The following TAOK3 variants were observed in gnomAD, a reference collection of about 807,000 sequenced individuals.
The protein encoded by TAOK3 is serine/threonine-protein kinase TAO3.
Under a neutral mutation model 120.4 loss-of-function variants are expected in TAOK3, and 40 were observed. That is an observed-to-expected ratio of 0.33 (90% CI 0.26 to 0.43). TAOK3 has a LOEUF of 0.43. TAOK3 is among the 20% of genes least tolerant of loss of function. The pLI is 1.00. For missense variants in TAOK3, 821 were observed against 1,112.1 expected, an observed-to-expected ratio of 0.74 and a Z score of 3.72; for synonymous variants, 355 against 387.5, an observed-to-expected ratio of 0.92 and a Z score of 0.99.
At chr12:118,213,370 C>T (rs1400194283) in intron 10 of TAOK3, among the ~76,000 whole-genome samples, 1 of 152,086 alleles carries the variant, frequency 6.6e-6, no homozygotes, top group African/African-American at 2.4e-5. Context: ...ATTCCTCTAC[C>T]ACCCACAATC....
intron 1 of TAOK3, among the ~76,000 whole-genome samples, chr12:118,305,945 C>T (rs559222006): frequency 2.1e-4 from 32 of 150,716 alleles, no homozygotes; most frequent in Admixed American, 1.4e-3. Flanking sequence ...AATTGCCATT[C>T]GATTTTCTCC....
intron 13 of TAOK3, among the ~76,000 whole-genome samples, chr12:118,191,695 A>C (rs1305708502): frequency 7.9e-5 from 12 of 152,184 alleles, no homozygotes. Context: ...AACGTGTGTA[A>C]TTGGGATTCA....
chr12:118,172,613 C>A lies in TAOK3; in HGVS notation c.1743G>T (p.Arg581=). ...GCAAGTTCTCTTTATGTTTGGAGAT[C>A]CGCTCTTGCTTCTCTTTCTTGGGTG... ...HSTPKKEKQE[R]ISKHKENLQH... is the part of the protein sequence containing the mutation. Residue 581 remains arginine (R), a synonymous_variant, in exon 17 of 21, where the codon CGG becomes CGT. Transcript: ENST00000392533. The A allele has an allele frequency of 6.2e-7, 1 of 1,614,192 alleles. No individual in the cohort carries two copies. Among genetic ancestry groups the A allele is most frequent in the Non-Finnish European group, 8.5e-7 (1 of 1,180,038 alleles).
chr12:118,343,112 T>C (rs2044695986), intron 1 of TAOK3, among the ~76,000 whole-genome samples: 1 of 151,940 alleles, frequency 6.6e-6, no homozygotes, highest in South Asian at 2.1e-4. Flanking sequence ...AGTAAATTTA[T>C]TAATCAAAAC....
chr12:118,271,989 TA>T (rs779247789), intron 1 of TAOK3, among the ~76,000 whole-genome samples: 85 of 152,320 alleles, frequency 5.6e-4, no homozygotes, highest in Non-Finnish European at 8.2e-4. Context: ...TTGGGCCAAA[TA>T]AACAATCCAA....
intron 7 of TAOK3, 197 bp from the exon 8 acceptor site, chr12:118,235,868 T>G: frequency 2.0e-6 from 1 of 505,696 alleles, no homozygotes; most frequent in Non-Finnish European, 3.6e-6. Flanking sequence ...TGGGTGTACT[T>G]GCAGGTAGGT....
In TAOK3 at chr12:118,235,822, A is replaced by C. The variant is rs189656018; in HGVS notation, c.438-151T>G. ...TGCTCAGATAGCCAGAAGGAGATTT[A>C]GTAATTACTGCATGTTGTAAGGGGG... On this transcript the variant is annotated intron_variant, in intron 7 of 20. Transcript: ENST00000392533. 79 of 578,888 alleles carry C rather than the reference A, an allele frequency of 1.4e-4. No homozygotes were observed. In the East Asian group the frequency reaches 2.2e-3, roughly 16 times the overall value. The allele number at this position is 578,888 out of a possible 1,614,324, so 35.9% of individuals were successfully genotyped here. A position where few individuals can be genotyped will look rare whatever the true frequency, so the allele number is the denominator to read the frequency against.
intron 1 of TAOK3, among the ~76,000 whole-genome samples, chr12:118,353,897 C>T (rs1187393362): frequency 6.6e-6 from 1 of 151,974 alleles, no homozygotes; most frequent in African/African-American, 2.4e-5. Context: ...TAAGGAGTTT[C>T]CTTGTTTGGT....
intron 1 of TAOK3, among the ~76,000 whole-genome samples, chr12:118,346,284 T>C (rs1004211078): frequency 6.6e-6 from 1 of 152,190 alleles, no homozygotes; most frequent in African/African-American, 2.4e-5. Context: ...CATTTACTAA[T>C]AAGTCTTCTA....
intron 12 of TAOK3, chr12:118,199,861 T>TAAATAATACTGGTATTCATCATTA (rs1359598721): frequency 1.3e-5 from 2 of 153,322 alleles, no homozygotes; most frequent in Non-Finnish European, 1.5e-5. Flanking sequence ...ATATATCTGT[T>TAAATAATACTGGTATTCATCATTA]AAATAATACT....
rs2040091928 is a variant in TAOK3, at chr12:118,238,124, T to C, written c.386A>G (p.His129Arg). ...LQEVEIAAITHGALHGLAYLH... is the reference protein window; with the variant it reads ...LQEVEIAAITRGALHGLAYLH... ...GTAGGCTAGTCCATGCAAGGCTCCA[T>C]GAGTAATGGCAGCGATCTCCACTTC... is the stretch of plus-strand genomic sequence containing the variant. Residue 129 changes from histidine to arginine, a missense_variant, in exon 7 of 21, where the codon CAT becomes CGT. By Grantham distance (29) the His-to-Arg change is conservative. Around this residue, in one of 2 missense-constraint regions of TAOK3, gnomAD observed 467 missense variants for 540.0 expected, o/e 0.86. Transcript: ENST00000392533. The C allele has an allele frequency of 1.2e-6, 2 of 1,612,538 alleles. No individual in the cohort carries two copies. Among genetic ancestry groups the C allele is most frequent in the Admixed American group, 3.3e-5 (2 of 59,940 alleles).
intron 1 of TAOK3, among the ~76,000 whole-genome samples, chr12:118,357,504 G>A (rs1191735006): frequency 6.6e-6 from 1 of 152,188 alleles, no homozygotes; most frequent in African/African-American, 2.4e-5. Context: ...CACGTTTTAA[G>A]TAATTCAGGA....
In TAOK3 at chr12:118,151,156, A is replaced by G. The variant is rs771985402; in HGVS notation, c.2538T>C (p.Ile846=). ...TCTGAAGGGCAGCCAGCTCCTCTTC[A>G]ATCTGAAAGAAGCACGATGCAGTTC... ...SLRRAHLEQK[I]EEELAALQKE... The change falls in exon 21 of 21, where the codon ATT becomes ATC. Residue 846 remains isoleucine (I), a splice_region_variant and synonymous_variant. Transcript: ENST00000392533. 4 of 1,611,818 alleles carry G rather than the reference A, an allele frequency of 2.5e-6. No homozygotes were observed. Among genetic ancestry groups the G allele is most frequent in the Middle Eastern group, 1.7e-4 (1 of 6,056 alleles).
At chr12:118,321,737 C>T (rs2043715154) in intron 1 of TAOK3, among the ~76,000 whole-genome samples, 1 of 152,104 alleles carries the variant, frequency 6.6e-6, no homozygotes, top group Non-Finnish European at 1.5e-5. Flanking sequence ...ACATAATTTC[C>T]ATTTCCTTTG....
intron 14 of TAOK3, among the ~76,000 whole-genome samples, chr12:118,184,777 C>T (rs147678146): frequency 2.6e-5 from 4 of 152,130 alleles, no homozygotes; most frequent in East Asian, 1.9e-4. Context: ...TACCACCTTG[C>T]TCTACCCAGT....
chr12:118,269,733 T>C (rs1715771061), intron 1 of TAOK3, among the ~76,000 whole-genome samples: 1 of 152,184 alleles, frequency 6.6e-6, no homozygotes, highest in African/African-American at 2.4e-5. Flanking sequence ...CCAAGCTCTA[T>C]ATATGTTCTA....
At chr12:118,180,481 T>G (rs2036643236) in intron 15 of TAOK3, among the ~76,000 whole-genome samples, 1 of 152,138 alleles carries the variant, frequency 6.6e-6, no homozygotes, top group African/African-American at 2.4e-5. Flanking sequence ...GCTCAAGAGA[T>G]CCACCCACCT....
intron 1 of TAOK3, among the ~76,000 whole-genome samples, chr12:118,315,961 C>A (rs903420518): frequency 1.1e-4 from 17 of 152,142 alleles, no homozygotes; most frequent in Admixed American, 1.0e-3. Context: ...CTCAAGACAG[C>A]TTGGTTGCTG....
chr12:118,330,193 A>AT (rs2044085267), intron 1 of TAOK3, among the ~76,000 whole-genome samples: 1 of 152,254 alleles, frequency 6.6e-6, no homozygotes, highest in African/African-American at 2.4e-5. Flanking sequence ...CTCACTATAA[A>AT]AAGTCAAAGT....
Sources: allele counts gnomAD v4.1 joint callset (sites outside exome capture counted in the v4.1 genomes callset), GRCh38; gene constraint gnomAD v4.1.1; regional missense constraint gnomAD v4.1.1; transcripts MANE v1.5; gene names NCBI Gene and HGNC (gene_info 2026-07-23, HGNC 2026-07-21).